The following STIM1 variants were observed in gnomAD, a reference collection of about 807,000 sequenced individuals.
STIM1 encodes the protein stromal interaction molecule 1.
STIM1 carries 25 observed loss-of-function variants against 74.7 expected under a neutral mutation model. The observed-to-expected ratio is 0.33, with a 90% CI of 0.24 to 0.47. The LOEUF (loss-of-function observed/expected upper bound fraction) is 0.47, where lower values mean the gene tolerates loss of function less well. Ranked by LOEUF, STIM1 falls within the 20% of genes least tolerant of loss-of-function variation. The pLI is 1.00. For synonymous variants in STIM1, 328 were observed against 348.8 expected (o/e 0.94, Z 0.66); for missense variants, 728 against 920.8 (o/e 0.79, Z 2.71).
chr11:3,985,625 C>A (rs1472216699), intron 2 of STIM1, among the ~76,000 whole-genome samples: 3 of 152,160 alleles, frequency 2.0e-5, no homozygotes, highest in African/African-American at 7.2e-5. Flanking sequence ...AGAATCTGGG[C>A]CCCACAGAGT....
chr11:4,066,768 T>G (rs1376679354), intron 5 of STIM1, among the ~76,000 whole-genome samples: 1 of 152,222 alleles, frequency 6.6e-6, no homozygotes, highest in Non-Finnish European at 1.5e-5. Flanking sequence ...AAGAATGGGT[T>G]GATCGTAGCT....
chr11:4,072,387 T>C (rs541579438), intron 6 of STIM1, among the ~76,000 whole-genome samples: 6 of 152,348 alleles, frequency 3.9e-5, no homozygotes, highest in African/African-American at 7.2e-5. Flanking sequence ...ATTCTACATA[T>C]ACAGTCCAGT....
chr11:3,856,230 A>G lies in STIM1; in HGVS notation c.-41A>G, dbSNP rs1325757917. On this transcript the variant is annotated 5_prime_UTR_variant, in exon 1 of 13. Coordinates refer to ENST00000526596, the MANE Select transcript of STIM1 (RefSeq NM_001382567.1). Reference sequence around the variant, plus strand: ...TCCTGGCTTTGCCTCTGGGATCCCGAGGTGTCCACATCAGACGCATGTTGA... The same window carrying G: ...TCCTGGCTTTGCCTCTGGGATCCCGGGGTGTCCACATCAGACGCATGTTGA... 12 of 1,613,230 alleles carry G rather than the reference A, an allele frequency of 7.4e-6. No homozygotes were observed. The highest frequency in any genetic ancestry group is 1.0e-5 in the Non-Finnish European group (12 of 1,179,852).
Position 3,902,992 on chromosome 11 carries a change from A to G in STIM1, c.139+46583A>G, listed in dbSNP as rs567421417. 2.6e-5 allele frequency among the ~76,000 whole-genome samples: 4 copies of G among 152,320 alleles called. No individual in the cohort carries two copies. In the South Asian group the frequency reaches 8.3e-4, roughly 32 times the overall value. ...GGACTTGGAACCTGAACATGTTTAT[A>G]TATAATTTATTAAGTTCTTACCATG... On this transcript the variant is annotated intron_variant, in intron 1 of 12. Transcript: ENST00000526596.
chr11:3,862,678 C>A (rs999242799), intron 1 of STIM1, among the ~76,000 whole-genome samples: 1 of 152,022 alleles, frequency 6.6e-6, no homozygotes, highest in Non-Finnish European at 1.5e-5. Flanking sequence ...GATCTCCTGA[C>A]CTCGTGATCT....
intron 2 of STIM1, among the ~76,000 whole-genome samples, chr11:3,983,354 G>T (rs952866988): frequency 1.3e-5 from 2 of 152,248 alleles, no homozygotes; most frequent in Non-Finnish European, 2.9e-5. Context: ...GGTTGCCTCA[G>T]TTCCTGGGGA....
At chr11:3,878,004 C>T (rs1022725782) in intron 1 of STIM1, among the ~76,000 whole-genome samples, 3 of 152,096 alleles carry the variant, frequency 2.0e-5, no homozygotes, top group Non-Finnish European at 4.4e-5. Context: ...AGTCACTAGG[C>T]GAGAAGTGAG....
chr11:3,862,844 A>T (rs1284791495), intron 1 of STIM1, among the ~76,000 whole-genome samples: 2 of 151,970 alleles, frequency 1.3e-5, no homozygotes, highest in Non-Finnish European at 2.9e-5. Flanking sequence ...ATACTTATAC[A>T]TATATAAGTA....
intron 2 of STIM1, among the ~76,000 whole-genome samples, chr11:4,008,922 A>G (rs1023071331): frequency 2.6e-5 from 4 of 152,194 alleles, no homozygotes; most frequent in East Asian, 1.9e-4. Context: ...GCTGCTGTAT[A>G]TATTTATTCT....
At chr11:4,066,335 T>G (rs1205329293) in intron 5 of STIM1, among the ~76,000 whole-genome samples, 1 of 152,178 alleles carries the variant, frequency 6.6e-6, no homozygotes, top group Non-Finnish European at 1.5e-5. Flanking sequence ...TCTTTTTGTC[T>G]CCAGGAGCTG....
chr11:3,896,579 C>T (rs1037987379), intron 1 of STIM1, among the ~76,000 whole-genome samples: 2 of 152,180 alleles, frequency 1.3e-5, no homozygotes, highest in African/African-American at 4.8e-5. Context: ...TTAGTAATTT[C>T]TTCCCTCATG....
chr11:4,061,714 C>T (rs1229235412), intron 5 of STIM1, among the ~76,000 whole-genome samples: 1 of 151,992 alleles, frequency 6.6e-6, no homozygotes, highest in African/African-American at 2.4e-5. Flanking sequence ...CAGCACATGT[C>T]ACAAGAGCCA....
rs1314261965 is a variant in STIM1, at chr11:3,997,234, TC to T, written c.271-26638del. ...GCGTTCTCATTGACCTCAGAGGGAT[TC>T]TCTGTATCTATGTATGTGCTAGGTG... is the stretch of plus-strand genomic sequence containing the variant. On this transcript the variant is annotated intron_variant, in intron 2 of 12. Transcript: ENST00000526596. Among the ~76,000 whole-genome samples, 4 of 152,340 alleles carry T rather than the reference TC, an allele frequency of 2.6e-5. No individual in the cohort carries two copies. The East Asian group carries it at 7.7e-4, about 29-fold the overall frequency.
chr11:3,967,439 T>G, intron 1 of STIM1, 113 bp from the exon 2 acceptor site: 1 of 1,526,990 alleles, frequency 6.5e-7, no homozygotes, highest in African/African-American at 1.4e-5. Flanking sequence ...AAGTAGCCAG[T>G]TAAGTGCCTA....
intron 1 of STIM1, among the ~76,000 whole-genome samples, chr11:3,872,069 T>C (rs1284110979): frequency 1.3e-5 from 2 of 152,220 alleles, no homozygotes; most frequent in East Asian, 3.8e-4. Flanking sequence ...TCGTTTTTTT[T>C]TGAAACAGAG....
At chr11:3,949,141 C>T (rs2167562) in intron 1 of STIM1, among the ~76,000 whole-genome samples, 6,389 of 152,164 alleles carry the variant, frequency 0.042, 418 homozygotes, top group African/African-American at 0.14. Flanking sequence ...ACTATAAGAG[C>T]ACAGAAGAGG....
chr11:3,915,370 C>A (rs2092627725), intron 1 of STIM1, among the ~76,000 whole-genome samples: 1 of 151,748 alleles, frequency 6.6e-6, no homozygotes, highest in African/African-American at 2.4e-5. Context: ...GATTAATAGG[C>A]CTGAGCCACT....
chr11:3,958,741 G>A (rs2093248995), intron 1 of STIM1, among the ~76,000 whole-genome samples: 1 of 151,932 alleles, frequency 6.6e-6, no homozygotes, highest in African/African-American at 2.4e-5. Flanking sequence ...AGACTGAGGC[G>A]GGTGGATCAC....
intron 5 of STIM1, among the ~76,000 whole-genome samples, chr11:4,067,033 C>A (rs2094371358): frequency 6.6e-6 from 1 of 152,322 alleles, no homozygotes; most frequent in South Asian, 2.1e-4. Flanking sequence ...CTTCTTCTTT[C>A]TCAAACTCCA....
Sources: gnomAD v4.1 joint callset for allele counts (sites outside exome capture counted in the v4.1 genomes callset) on GRCh38, gnomAD v4.1.1 for gene constraint, MANE v1.5 for transcripts, NCBI Gene and HGNC (gene_info 2026-07-23, HGNC 2026-07-21) for gene names.